KDM4F: variants seen among roughly 807,000 people sequenced by gnomAD.
KDM4F encodes lysine demethylase 4F.
For synonymous variants in KDM4F, 223 were observed against 184.4 expected, an observed-to-expected ratio of 1.21 and a Z score of -1.70; for missense variants, 586 against 496.4, an observed-to-expected ratio of 1.18 and a Z score of -1.71.
At chr11:95,049,485 A>T (rs546005677) in exon 1 of KDM4F, 1 of 1,557,570 alleles carries the variant, frequency 6.4e-7, no homozygotes, top group African/African-American at 1.4e-5. Context: ...TTACCCAACC[A>T]TGGAAGAATT....
exon 1 of KDM4F, chr11:95,050,585 A>AAGG: frequency 4.5e-6 from 3 of 666,238 alleles, no homozygotes; most frequent in Non-Finnish European, 5.4e-6. Flanking sequence ...CTGTGGCCCC[A>AAGG]AGGCTCTGTT....
exon 1 of KDM4F, chr11:95,050,864 T>C (rs920716894): frequency 3.7e-6 from 2 of 538,114 alleles, no homozygotes; most frequent in East Asian, 5.9e-5. Flanking sequence ...AGTTCGCCGA[T>C]GAAGCTTTGA....
exon 1 of KDM4F, chr11:95,050,291 C>T (rs1858498228): frequency 1.6e-5 from 23 of 1,429,474 alleles, no homozygotes; most frequent in South Asian, 2.3e-5. Context: ...CAGAGGCCAT[C>T]AACTTTGCCA....
exon 1 of KDM4F, chr11:95,050,415 C>G: frequency 1.2e-6 from 1 of 857,786 alleles, no homozygotes; most frequent in Admixed American, 1.8e-5. Flanking sequence ...GAGCTATGAG[C>G]TCTGGAAACA....
At chr11:95,051,017 C>G (rs552130196) in exon 1 of KDM4F, 15 of 438,374 alleles carry the variant, frequency 3.4e-5, no homozygotes, top group African/African-American at 2.6e-4. Context: ...TGCTATCCCT[C>G]GACAGCACTG....
At chr11:95,049,538 C>T (rs549912365) in exon 1 of KDM4F, 86 of 1,594,300 alleles carry the variant, frequency 5.4e-5, no homozygotes, top group Admixed American at 4.9e-4. Context: ...AGTCCCAAGG[C>T]GCACACCGAG....
At chr11:95,050,654 G>A (rs1298759055) in exon 1 of KDM4F, 1 of 620,272 alleles carries the variant, frequency 1.6e-6, no homozygotes, top group African/African-American at 1.8e-5. Flanking sequence ...AAGCCCTGGA[G>A]ACGTCAGCCT....
chr11:95,049,758 C>T, the KDM4F span: 4 of 1,604,392 alleles, frequency 2.5e-6, no homozygotes, highest in African/African-American at 1.3e-5. Flanking sequence ...TCCGCCACAC[C>T]AGAATTTTGC....
exon 1 of KDM4F, chr11:95,050,986 C>A (rs1858506105): frequency 4.3e-6 from 2 of 459,790 alleles, no homozygotes; most frequent in South Asian, 5.9e-5. Flanking sequence ...CCTGATGAAC[C>A]CATGCACCCT....
At chr11:95,050,352 G>A (rs1473626365) in exon 1 of KDM4F, 17 of 1,145,194 alleles carry the variant, frequency 1.5e-5, no homozygotes, top group African/African-American at 1.1e-4. Flanking sequence ...TAGCTGTGGC[G>A]AGGCGAGAGT....
chr11:95,050,126 TG>T, the KDM4F span: 5 of 1,562,978 alleles, frequency 3.2e-6, no homozygotes, highest in Non-Finnish European at 4.4e-6. Flanking sequence ...CCCGGGGCTG[TG>T]AGGGCTTCCT....
At chr11:95,050,632 G>T in exon 1 of KDM4F, 1 of 624,142 alleles carries the variant, frequency 1.6e-6, no homozygotes, top group Non-Finnish European at 2.9e-6. Context: ...GCTGTGCCTG[G>T]ATCTGCAATC....
exon 1 of KDM4F, chr11:95,050,734 G>A (rs889331934): frequency 3.7e-5 from 24 of 643,728 alleles, no homozygotes; most frequent in African/African-American, 7.2e-5. Flanking sequence ...GGTCGTGGTC[G>A]AGGCCGTGGT....
exon 1 of KDM4F, chr11:95,051,330 G>A (rs577285177): frequency 7.5e-6 from 3 of 398,668 alleles, no homozygotes; most frequent in Admixed American, 4.4e-5. Flanking sequence ...GGTGTCAAAT[G>A]TCAAGTGATA....
chr11:95,051,178 C>T (rs1391678748), exon 1 of KDM4F: 13 of 398,720 alleles, frequency 3.3e-5, no homozygotes, highest in African/African-American at 1.2e-4. Context: ...TCTAGGGTTC[C>T]GGTCCCAACT....
exon 1 of KDM4F, chr11:95,050,276 C>T: frequency 1.3e-6 from 2 of 1,489,172 alleles, no homozygotes; most frequent in South Asian, 2.3e-5. Flanking sequence ...ACGGCTTCAA[C>T]TGCGCAGAGG....
At chr11:95,050,863 A>C (rs1363685077) in exon 1 of KDM4F, 1 of 538,308 alleles carries the variant, frequency 1.9e-6, no homozygotes, top group Non-Finnish European at 3.3e-6. Flanking sequence ...CAGTTCGCCG[A>C]TGAAGCTTTG....
chr11:95,050,966 C>T (rs1213157024), exon 1 of KDM4F: 1 of 477,210 alleles, frequency 2.1e-6, no homozygotes, highest in Non-Finnish European at 3.7e-6. Flanking sequence ...CCCTGGGGCC[C>T]CCACTGGATC....
chr11:95,049,952 G>A, exon 1 of KDM4F: 3 of 1,614,222 alleles, frequency 1.9e-6, no homozygotes, highest in Middle Eastern at 1.6e-4. Flanking sequence ...CACCCTACCT[G>A]TACTTTGGCA....
Sources: gnomAD v4.1 joint callset for allele counts on GRCh38, gnomAD v4.1.1 for gene constraint, MANE v1.5 for transcripts, NCBI Gene and HGNC (gene_info 2026-07-23, HGNC 2026-07-21) for gene names.